DPP6: variants seen among roughly 807,000 people sequenced by gnomAD.
DPP6 encodes dipeptidyl peptidase like 6, also known as A-type potassium channel modulatory protein DPP6.
Under a neutral mutation model 122.6 loss-of-function variants are expected in DPP6, and 69 were observed. The ratio of observed to expected loss-of-function variants is 0.56; its 90% CI spans 0.46 to 0.69. The LOEUF (loss-of-function observed/expected upper bound fraction) is 0.69, where lower values mean the gene tolerates loss of function less well. DPP6 is among the 30% of genes least tolerant of loss of function. DPP6 has a pLI of 0.00. For missense variants in DPP6, 928 were observed against 1,116.9 expected (o/e 0.83, Z 2.41); for synonymous variants, 418 against 433.1 (o/e 0.97, Z 0.43).
At chr7:154,262,734 G>A (rs1023986294) in intron 1 of DPP6, among the ~76,000 whole-genome samples, 8 of 151,514 alleles carry the variant, frequency 5.3e-5, no homozygotes, top group African/African-American at 1.9e-4. Context: ...ATTTTGTTGG[G>A]GATAAAAGTG....
At chr7:153,874,577 C>T in the DPP6 span, among the ~76,000 whole-genome samples, 8 of 152,032 alleles carry the variant, frequency 5.3e-5, no homozygotes, top group African/African-American at 9.7e-5. Context: ...CATTTCACTG[C>T]GTTGGCCAGG....
Position 154,863,052 on chromosome 7 carries a change from C to A in DPP6, c.1715-4943C>A, listed in dbSNP as rs1335748171. Among the ~76,000 whole-genome samples the A allele has an allele frequency of 6.6e-6, 1 of 152,118 alleles. No individual in the cohort carries two copies. The highest frequency in any genetic ancestry group is 1.5e-5 in the Non-Finnish European group (1 of 68,028). ...TAGCTGGGACTACAGACATGCATCA[C>A]CATGACTGGCTAATTTTTACATTTT... On this transcript the variant is annotated intron_variant, in intron 17 of 25. Coordinates refer to ENST00000377770, the MANE Select transcript of DPP6 (RefSeq NM_130797.4). The surrounding 1 kb of genome is among the most constrained non-coding windows in gnomAD (Gnocchi z 4.1).
At chr7:154,393,303 A>G (rs1333879707) in intron 1 of DPP6, among the ~76,000 whole-genome samples, 1 of 152,236 alleles carries the variant, frequency 6.6e-6, no homozygotes, top group Admixed American at 6.5e-5. Flanking sequence ...AGCTTAAAGC[A>G]TAGCAGGAGA....
At chr7:153,922,493 T>G (rs535830141) in intron 1 of DPP6, among the ~76,000 whole-genome samples, 1 of 152,250 alleles carries the variant, frequency 6.6e-6, no homozygotes, top group East Asian at 1.9e-4. Flanking sequence ...AGTGAGACCT[T>G]GTCTCTAAAA....
At chr7:154,154,266 A>G (rs1236892359) in intron 1 of DPP6, among the ~76,000 whole-genome samples, 2 of 152,276 alleles carry the variant, frequency 1.3e-5, no homozygotes, top group Non-Finnish European at 2.9e-5. Flanking sequence ...ACTGAGAACC[A>G]GGGCCATTCC....
chr7:153,959,663 G>A (rs1341824921), intron 1 of DPP6, among the ~76,000 whole-genome samples: 1 of 152,224 alleles, frequency 6.6e-6, no homozygotes, highest in African/African-American at 2.4e-5. Flanking sequence ...GAGAGGTAGG[G>A]CCTTGCCCTG....
At chr7:154,248,115 C>T (rs575482649) in intron 1 of DPP6, among the ~76,000 whole-genome samples, 3 of 152,096 alleles carry the variant, frequency 2.0e-5, no homozygotes, top group South Asian at 2.1e-4. Context: ...CAAGAGAGCT[C>T]TCTGGGGCCC....
intron 1 of DPP6, among the ~76,000 whole-genome samples, chr7:154,404,624 C>A (rs959755716): frequency 3.3e-5 from 5 of 152,130 alleles, no homozygotes; most frequent in Non-Finnish European, 7.4e-5. Context: ...TCAACTTAAC[C>A]AGTAATGATG....
chr7:154,076,788 A>G (rs988372837), intron 1 of DPP6, among the ~76,000 whole-genome samples: 3 of 152,092 alleles, frequency 2.0e-5, no homozygotes, highest in African/African-American at 7.2e-5. Context: ...ACCACCTGAC[A>G]AGGTGTACCC....
chr7:154,535,102 A>C (rs1389479171), intron 3 of DPP6, among the ~76,000 whole-genome samples: 2 of 151,894 alleles, frequency 1.3e-5, no homozygotes, highest in Non-Finnish European at 2.9e-5. Flanking sequence ...AAAAATGCTG[A>C]AGTAATTCAG....
At chr7:153,871,498 G>A in the DPP6 span, among the ~76,000 whole-genome samples, 1 of 152,210 alleles carries the variant, frequency 6.6e-6, no homozygotes, top group Non-Finnish European at 1.5e-5. Flanking sequence ...AGCCCGTTTG[G>A]AAAAGCGCAG....
At chr7:154,856,570 C>T (rs1802848627) in intron 17 of DPP6, among the ~76,000 whole-genome samples, 2 of 152,190 alleles carry the variant, frequency 1.3e-5, no homozygotes, top group South Asian at 4.1e-4. Flanking sequence ...GCAAGTGCAA[C>T]ATGCTAATAT....
intron 1 of DPP6, among the ~76,000 whole-genome samples, chr7:154,115,906 T>A (rs919233424): frequency 2.6e-5 from 4 of 151,996 alleles, no homozygotes; most frequent in African/African-American, 9.7e-5. Flanking sequence ...GATCAATGCA[T>A]AAGGTAACCT....
At chr7:154,580,150 TACACACACACAC>T (rs35398601) in intron 5 of DPP6, among the ~76,000 whole-genome samples, 1 of 138,974 alleles carries the variant, frequency 7.2e-6, no homozygotes. Flanking sequence ...CTCTCCCCCT[TACACACACACAC>T]ACACACACAC....
intron 1 of DPP6, among the ~76,000 whole-genome samples, chr7:154,406,248 T>C (rs1816077979): frequency 6.6e-6 from 1 of 152,210 alleles, no homozygotes; most frequent in South Asian, 2.1e-4. Context: ...AGTGTGCTTT[T>C]CATACGGTTT....
At chr7:153,873,652 A>T in the DPP6 span, among the ~76,000 whole-genome samples, 1 of 152,200 alleles carries the variant, frequency 6.6e-6, no homozygotes, top group Non-Finnish European at 1.5e-5. Context: ...AGGTGAATGG[A>T]TGAACAGTCA....
At chr7:154,439,092 G>A (rs1298015641) in intron 1 of DPP6, among the ~76,000 whole-genome samples, 1 of 152,152 alleles carries the variant, frequency 6.6e-6, no homozygotes, top group Non-Finnish European at 1.5e-5. Context: ...CCATTCAATT[G>A]CTGGTGGTTC....
intron 1 of DPP6, among the ~76,000 whole-genome samples, chr7:154,116,990 C>T (rs560429392): frequency 6.6e-5 from 10 of 152,162 alleles, no homozygotes; most frequent in African/African-American, 2.4e-4. Flanking sequence ...ATCCAAAAGG[C>T]CTCTCTTCTC....
At chr7:154,880,189 G>A (rs1805273512) in intron 20 of DPP6, among the ~76,000 whole-genome samples, 1 of 152,216 alleles carries the variant, frequency 6.6e-6, no homozygotes, top group African/African-American at 2.4e-5. Flanking sequence ...CCAGAAACCG[G>A]AAGGACCCCA....
Sources: gnomAD v4.1 joint callset for allele counts (sites outside exome capture counted in the v4.1 genomes callset) on GRCh38, gnomAD v4.1.1 for gene constraint, Gnocchi (gnomAD v3.1) non-coding constraint, MANE v1.5 for transcripts, NCBI Gene and HGNC (gene_info 2026-07-23, HGNC 2026-07-21) for gene names.